The following USP34 variants were observed in gnomAD, a reference collection of about 807,000 sequenced individuals.
USP34 encodes ubiquitin carboxyl-terminal hydrolase 34.
USP34 carries 70 observed loss-of-function variants against 460.3 expected under a neutral mutation model. The ratio of observed to expected loss-of-function variants is 0.15; its 90% CI spans 0.13 to 0.19. The LOEUF (loss-of-function observed/expected upper bound fraction) is 0.19. Among genes scored for constraint, USP34 ranks in the 10% least tolerant of loss-of-function variants. The pLI, the probability that USP34 is intolerant of heterozygous loss-of-function variation, is 1.00. For synonymous variants in USP34, 1,647 were observed against 1,405.3 expected (o/e 1.17, Z -3.85); for missense variants, 3,985 against 4,236.2 (o/e 0.94, Z 1.65).
At chr2:61,264,013 A>AG (rs1688974589) in intron 43 of USP34, among the ~76,000 whole-genome samples, 1 of 152,212 alleles carries the variant, frequency 6.6e-6, no homozygotes, top group African/African-American at 2.4e-5. Context: ...AGTAAAACCA[A>AG]GAAGCATGAC....
Position 61,223,107 on chromosome 2 carries a change from T to C in USP34, c.7702A>G (p.Asn2568Asp). ...TATCGACACAGGCTGAAAATCAGATTACAAGTTTGTCTTATATTGATGCCA... is the reference window on the plus strand; with the variant it reads ...TATCGACACAGGCTGAAAATCAGATCACAAGTTTGTCTTATATTGATGCCA... ...RDGINIRQTC[N>D]LIFSLCRYNN... Residue 2568 changes from asparagine (N) to aspartate (D), a missense_variant, in exon 64 of 80, where the codon AAT (asparagine) becomes GAT (aspartate). By Grantham distance (23) the Asn-to-Asp change is conservative (BLOSUM62 1). This residue lies in a region of USP34 where 604 missense variants were observed against 684.8 expected (regional missense o/e 0.88). Coordinates refer to ENST00000398571, the MANE Select transcript of USP34 (RefSeq NM_014709.4). The C allele has an allele frequency of 6.2e-7, 1 of 1,614,106 alleles. No homozygotes were observed. The highest frequency in any genetic ancestry group is 8.5e-7 in the Non-Finnish European group (1 of 1,179,960).
chr2:61,396,551 T>C (rs1432351464), intron 3 of USP34, among the ~76,000 whole-genome samples: 2 of 151,628 alleles, frequency 1.3e-5, no homozygotes, highest in Non-Finnish European at 2.9e-5. Flanking sequence ...TGCAGGAGCA[T>C]GATCTCGGAT....
rs1339969451 is a variant in USP34, at chr2:61,188,373, T to C, written c.10370A>G (p.Lys3457Arg). The C allele has an allele frequency of 9.3e-6, 15 of 1,613,878 alleles. No homozygotes were observed. Among genetic ancestry groups the C allele is most frequent in the African/African-American group, 2.7e-5 (2 of 74,924 alleles). ...CKEFKDLHCS[K>R]DSTLAEEESE... ...TTCTTCCTCAGCTAGGGTAGAATCC[T>C]TGGAACAGTGGAGGTCTTTAAATTC... Residue 3457 changes from lysine (K) to arginine (R), a missense_variant, in exon 80 of 80, where the codon AAG becomes AGG. Lys to Arg is a conservative substitution (Grantham distance 26). Transcript: ENST00000398571.
intron 43 of USP34, among the ~76,000 whole-genome samples, chr2:61,260,499 ATACAT>A (rs1411265052): frequency 6.6e-6 from 1 of 152,228 alleles, no homozygotes; most frequent in Non-Finnish European, 1.5e-5. Context: ...AGCTAAGAGT[ATACAT>A]TAGTTATTTT....
intron 11 of USP34, 38 bp downstream of exon 11, chr2:61,350,530 G>A (rs759082489): frequency 1.8e-5 from 28 of 1,562,972 alleles, no homozygotes; most frequent in Admixed American, 8.3e-5. Context: ...TTCACTTCAC[G>A]GGAAAAAAAA....
intron 41 of USP34, among the ~76,000 whole-genome samples, chr2:61,277,188 T>C (rs1011616172): frequency 2.0e-5 from 3 of 152,020 alleles, no homozygotes; most frequent in East Asian, 1.9e-4. Context: ...AGGACAGTAA[T>C]TCAAAATATA....
At position 61,237,204 on chromosome 2, in the gene USP34, C is replaced by CT. The variant is rs1572859969; in HGVS notation, c.6778-816dup. Among the ~76,000 whole-genome samples the CT allele has an allele frequency of 2.0e-5, 3 of 152,238 alleles. No homozygotes were observed. In the East Asian group the frequency reaches 5.8e-4, roughly 29 times the overall value. On this transcript the variant is annotated intron_variant, in intron 53 of 79. Coordinates refer to ENST00000398571, the MANE Select transcript of USP34 (RefSeq NM_014709.4). ...TCTTGGGCATTTCCAGGCACAAAAA[C>CT]TTTCTATTAAGCTGTAGCCCCTGTA...
chr2:61,221,710 T>C (rs1216706259), intron 65 of USP34, 104 bp from the exon 66 acceptor site: 2 of 1,061,380 alleles, frequency 1.9e-6, no homozygotes, highest in African/African-American at 3.3e-5. Flanking sequence ...AAATCTGTGT[T>C]AGGGAAGGAG....
At chr2:61,408,850 G>GC (rs1264189761) in intron 2 of USP34, among the ~76,000 whole-genome samples, 1 of 151,474 alleles carries the variant, frequency 6.6e-6, no homozygotes, top group Non-Finnish European at 1.5e-5. Context: ...CCGAGATCAC[G>GC]CCCCCTGCAC....
At chr2:61,413,586 G>A (rs1159353333) in intron 2 of USP34, among the ~76,000 whole-genome samples, 1 of 146,358 alleles carries the variant, frequency 6.8e-6, no homozygotes, top group African/African-American at 2.6e-5. Flanking sequence ...CCTGAACCTG[G>A]AAGGCAGAGG....
intron 27 of USP34, among the ~76,000 whole-genome samples, chr2:61,307,679 G>C (rs1220195520): frequency 3.9e-5 from 6 of 151,938 alleles, no homozygotes; most frequent in Admixed American, 3.9e-4. Context: ...CTTTTTTCTA[G>C]ACAAAAAAAG....
intron 18 of USP34, among the ~76,000 whole-genome samples, 197 bp downstream of exon 18, chr2:61,339,154 G>C (rs1425117239): frequency 6.6e-6 from 1 of 152,120 alleles, no homozygotes; most frequent in African/African-American, 2.4e-5. Flanking sequence ...GTGCTGAAAA[G>C]AGCAACACTG....
At chr2:61,300,134 A>AACTTATTAGG (rs1690175572) in intron 29 of USP34, among the ~76,000 whole-genome samples, 1 of 152,358 alleles carries the variant, frequency 6.6e-6, no homozygotes, top group Non-Finnish European at 1.5e-5. Flanking sequence ...TCTCCAAAGA[A>AACTTATTAGG]ACTTATTAGG....
At chr2:61,381,264 A>T (rs1015319349) in intron 6 of USP34, among the ~76,000 whole-genome samples, 3 of 61,454 alleles carry the variant, frequency 4.9e-5, no homozygotes, top group Non-Finnish European at 1.1e-4. Context: ...AAAAAAAATA[A>T]AACACACACA....
chr2:61,466,298 G>A (rs888353770), intron 1 of USP34, among the ~76,000 whole-genome samples: 1 of 151,956 alleles, frequency 6.6e-6, no homozygotes, highest in African/African-American at 2.4e-5. Context: ...GGTGGCACAT[G>A]CCTGTAGTCC....
At chr2:61,214,779 C>T (rs1687353567) in intron 67 of USP34, 85 bp from the exon 68 acceptor site, 11 of 1,417,840 alleles carry the variant, frequency 7.8e-6, no homozygotes, top group Non-Finnish European at 1.0e-5. Flanking sequence ...AGCCACTGTT[C>T]CCTTTAATAA....
chr2:61,281,967 T>C (rs1179340535), intron 37 of USP34, among the ~76,000 whole-genome samples: 1 of 152,158 alleles, frequency 6.6e-6, no homozygotes, highest in African/African-American at 2.4e-5. Context: ...ACAAATGACA[T>C]TATATCCAGA....
At position 61,210,984 on chromosome 2, in the gene USP34, A is replaced by G. The variant is rs1687258584; in HGVS notation, c.8840+788T>C. On this transcript the variant is annotated intron_variant, in intron 69 of 79. Transcript: ENST00000398571. The stretch of plus-strand genomic sequence containing the variant: ...TTTAAGTAGTAAACTTTGGGAAAAC[A>G]ATTGTATTCAAAATTAATCCAAAAT... Among the ~76,000 whole-genome samples the G allele has an allele frequency of 2.0e-5, 3 of 152,232 alleles. No individual in the cohort carries two copies. In the South Asian group the frequency reaches 6.2e-4, roughly 32 times the overall value.
At chr2:61,317,123 T>C (rs1367860691) in intron 23 of USP34, among the ~76,000 whole-genome samples, 1 of 152,198 alleles carries the variant, frequency 6.6e-6, no homozygotes, top group African/African-American at 2.4e-5. Context: ...AACACTGACA[T>C]GGCCACTTCT....
Sources: gnomAD v4.1 joint callset for allele counts (sites outside exome capture counted in the v4.1 genomes callset) on GRCh38, gnomAD v4.1.1 for gene constraint, gnomAD v4.1.1 regional missense constraint, MANE v1.5 for transcripts, NCBI Gene and HGNC (gene_info 2026-07-23, HGNC 2026-07-21) for gene names.